The following MSRB3 variants were observed in gnomAD, a reference collection of about 807,000 sequenced individuals.
MSRB3 encodes methionine sulfoxide reductase B3.
Under a neutral mutation model 21.0 loss-of-function variants are expected in MSRB3, and 13 were observed. The observed-to-expected ratio is 0.62, with a 90% confidence interval of 0.40 to 0.98. The LOEUF (loss-of-function observed/expected upper bound fraction) is 0.98. Among genes scored for constraint, MSRB3 ranks in the 50% least tolerant of loss-of-function variants. The pLI is 0.00. For synonymous variants in MSRB3, 87 were observed against 88.6 expected, an observed-to-expected ratio of 0.98 and a Z score of 0.10; for missense variants, 199 against 230.3, an observed-to-expected ratio of 0.86 and a Z score of 0.88.
intron 5 of MSRB3, among the ~76,000 whole-genome samples, chr12:65,448,363 T>C (rs1052923511): frequency 6.6e-6 from 1 of 152,242 alleles, no homozygotes; most frequent in African/African-American, 2.4e-5. Context: ...CTTTTATTTT[T>C]ACTTACATTC....
At chr12:65,376,118 A>ATTTT (rs58214332) in intron 5 of MSRB3, among the ~76,000 whole-genome samples, 3 of 131,940 alleles carry the variant, frequency 2.3e-5, no homozygotes, top group Admixed American at 7.9e-5. Flanking sequence ...TGAGTTTGTA[A>ATTTT]TTTTTTTTTT....
intron 5 of MSRB3, among the ~76,000 whole-genome samples, chr12:65,404,908 A>G (rs1880326053): frequency 1.3e-5 from 2 of 151,232 alleles, no homozygotes; most frequent in South Asian, 2.1e-4. Flanking sequence ...CATTTCCCCA[A>G]TTCCTCCCAA....
In MSRB3 at chr12:65,465,825, A is replaced by G. The variant is rs1883545972; in HGVS notation, c.*2503A>G. 1 of 152,062 alleles carries G rather than the reference A, an allele frequency of 6.6e-6. No homozygotes were observed. The allele number at this position is 152,062 out of a possible 1,614,324, so 9.4% of individuals were successfully genotyped here. ...CATCCTAGAAGTCTTTCCCAATCTC[A>G]CAGAGAAAGCCCTAGTATTTCCCAG... On this transcript the variant is annotated 3_prime_UTR_variant, in exon 7 of 7. Transcript: ENST00000308259.
At chr12:65,361,930 G>T (rs923805758) in intron 4 of MSRB3, among the ~76,000 whole-genome samples, 8 of 151,946 alleles carry the variant, frequency 5.3e-5, no homozygotes, top group African/African-American at 1.7e-4. Flanking sequence ...AAAATTAACC[G>T]TAAAATTAAT....
In MSRB3 at chr12:65,360,640, G is replaced by GA. The variant is rs747129010; in HGVS notation, c.264-8351dup. Among the ~76,000 whole-genome samples, 11 of 151,838 alleles carry GA rather than the reference G, an allele frequency of 7.2e-5. No homozygotes were observed. In the East Asian group the frequency reaches 9.7e-4, roughly 13 times the overall value. Reference sequence around the variant, plus strand: ...CTTTCTTTATTCCTGGGAATGCAGGGAAAAAAAGTAGGTAATTTACCTTTT... The same window carrying GA: ...CTTTCTTTATTCCTGGGAATGCAGGGAAAAAAAAGTAGGTAATTTACCTTTT... On this transcript the variant is annotated intron_variant, in intron 4 of 6. Transcript: ENST00000308259.
intron 1 of MSRB3, among the ~76,000 whole-genome samples, chr12:65,292,627 T>C (rs1481135168): frequency 1.3e-5 from 2 of 152,118 alleles, no homozygotes; most frequent in Non-Finnish European, 2.9e-5. Context: ...CAATCTTATT[T>C]ATTCCATGGC....
At chr12:65,320,789 G>A (rs1449352410) in intron 2 of MSRB3, among the ~76,000 whole-genome samples, 1 of 152,152 alleles carries the variant, frequency 6.6e-6, no homozygotes, top group Non-Finnish European at 1.5e-5. Flanking sequence ...ATTAAGATAC[G>A]TAGTTGTAAA....
intron 6 of MSRB3, among the ~76,000 whole-genome samples, chr12:65,460,877 G>A (rs1387168242): frequency 1.3e-5 from 2 of 151,790 alleles, no homozygotes; most frequent in African/African-American, 2.4e-5. Flanking sequence ...TTCAATTACT[G>A]TAATTTGGAT....
At chr12:65,279,119 C>G (rs1871845619) in intron 1 of MSRB3, 1 of 1,356,802 alleles carries the variant, frequency 7.4e-7, no homozygotes, top group African/African-American at 1.5e-5. Context: ...GTCTGGCAGC[C>G]TCACTGACAC....
At chr12:65,287,281 C>A (rs964073779) in intron 1 of MSRB3, among the ~76,000 whole-genome samples, 2 of 151,728 alleles carry the variant, frequency 1.3e-5, no homozygotes, top group African/African-American at 4.8e-5. Context: ...TGTCATCATG[C>A]ATGGCTAATT....
chr12:65,303,473 AG>A (rs1873462855), intron 1 of MSRB3, among the ~76,000 whole-genome samples: 1 of 152,196 alleles, frequency 6.6e-6, no homozygotes, highest in Non-Finnish European at 1.5e-5. Flanking sequence ...ACCTCTTCAT[AG>A]GAACTAATAA....
chr12:65,339,647 A>G (rs1248162234), intron 4 of MSRB3, among the ~76,000 whole-genome samples: 2 of 152,122 alleles, frequency 1.3e-5, no homozygotes, highest in South Asian at 2.1e-4. Context: ...TTGAATATTT[A>G]TTTTCTTTGT....
intron 6 of MSRB3, among the ~76,000 whole-genome samples, chr12:65,455,923 A>T (rs1883070126): frequency 6.6e-6 from 1 of 152,038 alleles, no homozygotes; most frequent in Non-Finnish European, 1.5e-5. Context: ...TTTTTGGTAG[A>T]GATAGGGTTT....
intron 5 of MSRB3, among the ~76,000 whole-genome samples, chr12:65,442,354 T>C (rs866441686): frequency 2.0e-5 from 3 of 152,126 alleles, no homozygotes; most frequent in Admixed American, 2.0e-4. Flanking sequence ...AACCAAAAAA[T>C]GTAAGTAATA....
At chr12:65,310,703 A>G (rs11175722) in intron 2 of MSRB3, among the ~76,000 whole-genome samples, 1 of 152,212 alleles carries the variant, frequency 6.6e-6, no homozygotes, top group South Asian at 2.1e-4. Context: ...AAATATAAAT[A>G]TCTTTAAATT....
At chr12:65,326,096 C>T (rs778355435) in intron 2 of MSRB3, among the ~76,000 whole-genome samples, 7 of 152,064 alleles carry the variant, frequency 4.6e-5, no homozygotes, top group Non-Finnish European at 8.8e-5. Context: ...TTGTCTTTCT[C>T]CCTTTCTGTT....
chr12:65,370,452 G>C (rs936552437), intron 5 of MSRB3, among the ~76,000 whole-genome samples: 1 of 152,086 alleles, frequency 6.6e-6, no homozygotes, highest in African/African-American at 2.4e-5. Context: ...TCAGAAACTG[G>C]TTTTAGGGTA....
chr12:65,392,004 G>A (rs113846600), intron 5 of MSRB3, among the ~76,000 whole-genome samples: 6 of 152,246 alleles, frequency 3.9e-5, no homozygotes, highest in African/African-American at 7.2e-5. Context: ...GTACTGTTAC[G>A]TGCACCTGGA....
intron 5 of MSRB3, among the ~76,000 whole-genome samples, chr12:65,403,185 C>G (rs1880226099): frequency 6.6e-6 from 1 of 152,246 alleles, no homozygotes; most frequent in Admixed American, 6.5e-5. Flanking sequence ...ACGTTTAAGT[C>G]TGCTGAAGCT....
Sources: allele counts gnomAD v4.1 joint callset (sites outside exome capture counted in the v4.1 genomes callset), GRCh38; gene constraint gnomAD v4.1.1; transcripts MANE v1.5; gene names NCBI Gene and HGNC (gene_info 2026-07-23, HGNC 2026-07-21).